The following MYO1B variants were observed in gnomAD, a reference collection of about 807,000 sequenced individuals.
The protein encoded by MYO1B is myosin IB, also known as unconventional myosin-Ib.
Under a neutral mutation model 159.7 loss-of-function variants are expected in MYO1B, and 72 were observed. The observed-to-expected ratio is 0.45, with a 90% CI of 0.37 to 0.55. MYO1B has a LOEUF of 0.55. Among genes scored for constraint, MYO1B ranks in the 20% least tolerant of loss-of-function variants. The pLI is 0.00. For synonymous variants in MYO1B, 468 were observed against 473.8 expected (o/e 0.99, Z 0.16); for missense variants, 1,062 against 1,364.8 (o/e 0.78, Z 3.50).
intron 13 of MYO1B, among the ~76,000 whole-genome samples, chr2:191,375,703 A>G (rs894499277): frequency 3.9e-5 from 6 of 152,220 alleles, no homozygotes; most frequent in East Asian, 1.9e-4. Flanking sequence ...GCTCACTCCT[A>G]TAATCCCAGC....
At chr2:191,292,747 G>A (rs949520160) in intron 2 of MYO1B, among the ~76,000 whole-genome samples, 1 of 152,076 alleles carries the variant, frequency 6.6e-6, no homozygotes, top group Non-Finnish European at 1.5e-5. Context: ...GATGGTTGAG[G>A]GGCCTTAGGA....
chr2:191,305,402 AG>A (rs1239132384), intron 3 of MYO1B, among the ~76,000 whole-genome samples: 1 of 152,182 alleles, frequency 6.6e-6, no homozygotes, highest in Non-Finnish European at 1.5e-5. Context: ...TGCGGAACTG[AG>A]GGTGGTGATG....
intron 14 of MYO1B, among the ~76,000 whole-genome samples, 161 bp downstream of exon 14, chr2:191,381,727 A>G (rs1695050352): frequency 6.6e-6 from 1 of 152,210 alleles, no homozygotes; most frequent in South Asian, 2.1e-4. Flanking sequence ...GAGACTGATT[A>G]CCTATAAGAA....
chr2:191,312,305 C>G (rs1401069002), intron 3 of MYO1B, among the ~76,000 whole-genome samples: 1 of 152,146 alleles, frequency 6.6e-6, no homozygotes, highest in Non-Finnish European at 1.5e-5. Flanking sequence ...CATTTCTCCT[C>G]TTTCACAGAC....
intron 3 of MYO1B, among the ~76,000 whole-genome samples, chr2:191,298,564 C>T (rs574695104): frequency 6.6e-5 from 10 of 152,006 alleles, no homozygotes; most frequent in African/African-American, 1.7e-4. Context: ...GATTCTTAGG[C>T]GCATGTAAGT....
At chr2:191,356,337 C>CTTTTTTTTTT (rs79525897) in intron 7 of MYO1B, among the ~76,000 whole-genome samples, 27 of 106,408 alleles carry the variant, frequency 2.5e-4, no homozygotes, top group Non-Finnish European at 3.5e-4. Context: ...GGCTGGGCTT[C>CTTTTTTTTTT]TTTTTTTTTT....
chr2:191,366,167 C>T (rs1368701559), intron 11 of MYO1B, among the ~76,000 whole-genome samples: 1 of 152,080 alleles, frequency 6.6e-6, no homozygotes, highest in Non-Finnish European at 1.5e-5. Flanking sequence ...TAAGAAGACC[C>T]TTTAGGAATA....
chr2:191,345,984 C>T (rs1301858605), intron 5 of MYO1B, among the ~76,000 whole-genome samples: 1 of 152,166 alleles, frequency 6.6e-6, no homozygotes. Flanking sequence ...ATTAAGTTTA[C>T]AGTAATACTT....
intron 4 of MYO1B, among the ~76,000 whole-genome samples, chr2:191,333,984 A>G (rs899555611): frequency 1.3e-5 from 2 of 151,980 alleles, no homozygotes; most frequent in African/African-American, 4.8e-5. Context: ...ATTTGACTCT[A>G]TCTACAAGCA....
chr2:191,296,850 C>T (rs373654079), intron 3 of MYO1B, among the ~76,000 whole-genome samples: 2 of 152,254 alleles, frequency 1.3e-5, no homozygotes, highest in African/African-American at 4.8e-5. Flanking sequence ...ATGATTTGGC[C>T]ACTTTATACC....
intron 6 of MYO1B, among the ~76,000 whole-genome samples, chr2:191,346,817 T>C (rs1030243385): frequency 3.3e-5 from 5 of 152,154 alleles, no homozygotes; most frequent in African/African-American, 1.2e-4. Context: ...TTGAGCTTGA[T>C]TGAGTTGGAA....
At position 191,328,683 on chromosome 2, in the gene MYO1B, T is replaced by G. The variant is rs73981563; in HGVS notation, c.252-1252T>G. The stretch of plus-strand genomic sequence containing the variant: ...TTTTCATTTGGAACCTGCCTATCTC[T>G]CTCCGCAGCTCATCTCTTATCCTCT... On this transcript the variant is annotated intron_variant, in intron 3 of 30. Transcript: ENST00000392318. Among the ~76,000 whole-genome samples the G allele has an allele frequency of 1.4e-3, 216 of 152,314 alleles. 1 individual carries two copies. The highest frequency in any genetic ancestry group is 5.0e-3 in the African/African-American group (208 of 41,574).
chr2:191,259,385 G>A (rs186306245), intron 1 of MYO1B, among the ~76,000 whole-genome samples: 48 of 152,308 alleles, frequency 3.2e-4, no homozygotes, highest in African/African-American at 1.1e-3. Flanking sequence ...CACTCTAAAA[G>A]TGTCAACTGT....
chr2:191,309,140 TA>T (rs772239651), intron 3 of MYO1B, among the ~76,000 whole-genome samples: 1 of 152,216 alleles, frequency 6.6e-6, no homozygotes, highest in Non-Finnish European at 1.5e-5. Flanking sequence ...TCTCTTTGGA[TA>T]AGGGGCATCT....
chr2:191,359,148 A>C (rs1429803246), intron 7 of MYO1B, among the ~76,000 whole-genome samples: 1 of 152,148 alleles, frequency 6.6e-6, no homozygotes, highest in Non-Finnish European at 1.5e-5. Flanking sequence ...TGATAAGTAA[A>C]ATCGTACTGC....
chr2:191,312,508 A>G (rs1690067972), intron 3 of MYO1B, among the ~76,000 whole-genome samples: 1 of 152,248 alleles, frequency 6.6e-6, no homozygotes, highest in African/African-American at 2.4e-5. Flanking sequence ...TATTAATCAT[A>G]TGACTTTTAT....
At chr2:191,412,103 A>C (rs553019071) in intron 27 of MYO1B, among the ~76,000 whole-genome samples, 2 of 152,348 alleles carry the variant, frequency 1.3e-5, no homozygotes, top group African/African-American at 4.8e-5. Context: ...TTTAAATTGT[A>C]CAACTTCATT....
chr2:191,309,495 A>G (rs768807273), intron 3 of MYO1B, among the ~76,000 whole-genome samples: 2 of 152,048 alleles, frequency 1.3e-5, no homozygotes, highest in African/African-American at 2.4e-5. Context: ...GATCTTTTTT[A>G]AAGATCTCCA....
intron 1 of MYO1B, among the ~76,000 whole-genome samples, chr2:191,267,083 C>T (rs561727921): frequency 6.6e-5 from 10 of 152,008 alleles, no homozygotes; most frequent in African/African-American, 9.7e-5. Context: ...CTTGGTGGTG[C>T]CTGTCCCTCT....
Sources: allele counts gnomAD v4.1 joint callset (sites outside exome capture counted in the v4.1 genomes callset), GRCh38; gene constraint gnomAD v4.1.1; transcripts MANE v1.5; gene names NCBI Gene and HGNC (gene_info 2026-07-23, HGNC 2026-07-21).